The following B3GALT1 variants were observed in gnomAD, a reference collection of about 807,000 sequenced individuals.
B3GALT1 encodes the protein UDP-Gal:betaGlcNAc beta 1,3-galactosyltransferase, polypeptide 1.
A neutral mutation model predicts 23.2 loss-of-function variants in B3GALT1; 10 were observed. That is an observed-to-expected ratio of 0.43 (90% CI 0.27 to 0.73). The LOEUF is 0.73. Ranked by LOEUF, B3GALT1 falls within the 30% of genes least tolerant of loss-of-function variation. The probability of loss-of-function intolerance (pLI) is 0.21; values close to 1 mark genes in which losing one functional copy is unlikely to be tolerated. For missense variants in B3GALT1, 299 were observed against 405.4 expected (o/e 0.74, Z 2.25); for synonymous variants, 156 against 141.5 (o/e 1.10, Z -0.73).
At chr2:167,552,033 TTTTC>T (rs2105381409) in intron 2 of B3GALT1, among the ~76,000 whole-genome samples, 1 of 152,320 alleles carries the variant, frequency 6.6e-6, no homozygotes, top group African/African-American at 2.4e-5. Flanking sequence ...GGCTGTTTAT[TTTTC>T]TTAGAGCTTT....
At chr2:167,436,017 T>G (rs966234506) in intron 1 of B3GALT1, among the ~76,000 whole-genome samples, 1 of 151,446 alleles carries the variant, frequency 6.6e-6, no homozygotes, top group Non-Finnish European at 1.5e-5. Flanking sequence ...AAGTTACTAT[T>G]ATATCCCTTC....
chr2:167,618,689 C>T (rs1685205061), intron 2 of B3GALT1, among the ~76,000 whole-genome samples: 1 of 151,948 alleles, frequency 6.6e-6, no homozygotes, highest in Admixed American at 6.6e-5. Context: ...CCTGTACCCA[C>T]AGCAGTTCCT....
chr2:167,323,282 C>A (rs959439703), intron 1 of B3GALT1, among the ~76,000 whole-genome samples: 1 of 151,824 alleles, frequency 6.6e-6, no homozygotes, highest in South Asian at 2.1e-4. Context: ...ATTGGATATA[C>A]GAAAAATTCA....
At chr2:167,535,140 G>T (rs905336936) in intron 2 of B3GALT1, among the ~76,000 whole-genome samples, 3 of 152,084 alleles carry the variant, frequency 2.0e-5, no homozygotes, top group African/African-American at 7.2e-5. Flanking sequence ...ATGAAAAAGG[G>T]TTATCTTAGA....
rs534954543 is a variant in B3GALT1 at position 167,732,811 on chromosome 2, G to A, written c.-352+85845G>A. On this transcript the variant is annotated intron_variant, in intron 3 of 4. Coordinates refer to ENST00000392690, the MANE Select transcript of B3GALT1 (RefSeq NM_020981.4). ...ACCCTACATTGAAGATAATTAAATG[G>A]AAGGAAAAAGAAGAGCAAAGAATAT... Among the ~76,000 whole-genome samples, 27 of 152,286 alleles carry A rather than the reference G, an allele frequency of 1.8e-4. No individual in the cohort carries two copies. In the East Asian group the frequency reaches 5.2e-3, roughly 29 times the overall value.
rs140627203 is a variant in B3GALT1 at position 167,595,875 on chromosome 2, A to T, written c.-409-51034A>T. On this transcript the variant is annotated intron_variant, in intron 2 of 4. Transcript: ENST00000392690. ...CTTTCTGTGTTAGCATCTGCATGTA[A>T]TGGTTATTCTCATTTATTCCAGAGG... Among the ~76,000 whole-genome samples the T allele has an allele frequency of 3.4e-4, 52 of 152,324 alleles. No homozygotes were observed. In the East Asian group the frequency reaches 9.8e-3, roughly 29 times the overall value.
intron 4 of B3GALT1, among the ~76,000 whole-genome samples, chr2:167,864,913 G>A (rs1192798633): frequency 2.6e-5 from 4 of 151,660 alleles, no homozygotes; most frequent in Admixed American, 6.6e-5. Context: ...CAGTAATAAT[G>A]ATAAGAAGTA....
chr2:167,814,617 G>C (rs988627302), intron 3 of B3GALT1, among the ~76,000 whole-genome samples: 3 of 152,124 alleles, frequency 2.0e-5, no homozygotes, highest in African/African-American at 7.2e-5. Context: ...AATTAGCCAG[G>C]CTTGGTGGTA....
intron 4 of B3GALT1, among the ~76,000 whole-genome samples, chr2:167,819,845 T>G (rs1410334039): frequency 1.3e-5 from 2 of 152,334 alleles, no homozygotes; most frequent in East Asian, 3.8e-4. Context: ...GCACTGGATA[T>G]GTTGGTTTTC....
chr2:167,535,588 A>T (rs2105370470), intron 2 of B3GALT1, among the ~76,000 whole-genome samples: 1 of 152,264 alleles, frequency 6.6e-6, no homozygotes, highest in Admixed American at 6.5e-5. Flanking sequence ...AAAGAAAAAA[A>T]AAAACAGAAC....
At chr2:167,366,029 C>T (rs1320074814) in intron 1 of B3GALT1, among the ~76,000 whole-genome samples, 2 of 152,112 alleles carry the variant, frequency 1.3e-5, no homozygotes, top group Non-Finnish European at 2.9e-5. Context: ...GAATTGCTTG[C>T]AGAGAACAGT....
intron 1 of B3GALT1, among the ~76,000 whole-genome samples, chr2:167,358,736 T>TACCTATATGGGTTGCTAATTTC (rs1360051888): frequency 9.2e-5 from 14 of 152,320 alleles, no homozygotes; most frequent in Admixed American, 2.6e-4. Context: ...TATTCAATTT[T>TACCTATATGGGTTGCTAATTTC]ACCTATATGG....
chr2:167,696,876 TTAG>T (rs1479765352), intron 3 of B3GALT1, among the ~76,000 whole-genome samples: 4 of 152,220 alleles, frequency 2.6e-5, no homozygotes, highest in African/African-American at 9.6e-5. Flanking sequence ...GTTTGGGGAC[TTAG>T]TATCCCTGGG....
chr2:167,372,452 G>T (rs1697701326), intron 1 of B3GALT1, among the ~76,000 whole-genome samples: 1 of 152,002 alleles, frequency 6.6e-6, no homozygotes, highest in Admixed American at 6.6e-5. Flanking sequence ...AAGCCCAGAG[G>T]CCCCCTTCCA....
At chr2:167,337,216 T>G (rs1446753028) in intron 1 of B3GALT1, among the ~76,000 whole-genome samples, 1 of 152,188 alleles carries the variant, frequency 6.6e-6, no homozygotes, top group Non-Finnish European at 1.5e-5. Flanking sequence ...ATATTTTTTT[T>G]TGTGGCTTCC....
chr2:167,788,606 G>C (rs1365484354), intron 3 of B3GALT1, among the ~76,000 whole-genome samples: 1 of 151,968 alleles, frequency 6.6e-6, no homozygotes, highest in South Asian at 2.1e-4. Context: ...GTGGTAATGC[G>C]AGCGATGAGG....
At chr2:167,447,251 G>A (rs545416254) in intron 1 of B3GALT1, among the ~76,000 whole-genome samples, 99 of 152,304 alleles carry the variant, frequency 6.5e-4, no homozygotes, top group African/African-American at 2.3e-3. Flanking sequence ...ACCTGGCCGT[G>A]TGAGGTGTCA....
At chr2:167,327,739 A>G (rs1374820333) in intron 1 of B3GALT1, among the ~76,000 whole-genome samples, 1 of 151,542 alleles carries the variant, frequency 6.6e-6, no homozygotes, top group Non-Finnish European at 1.5e-5. Context: ...ATTGCTGTGG[A>G]TAGGACTTCC....
chr2:167,741,924 A>T (rs1254704964), intron 3 of B3GALT1, among the ~76,000 whole-genome samples: 1 of 152,216 alleles, frequency 6.6e-6, no homozygotes, highest in Admixed American at 6.5e-5. Context: ...GAGGATAAGG[A>T]ATATAATATA....
Sources: gnomAD v4.1 joint callset for allele counts (sites outside exome capture counted in the v4.1 genomes callset) on GRCh38, gnomAD v4.1.1 for gene constraint, MANE v1.5 for transcripts, NCBI Gene and HGNC (gene_info 2026-07-23, HGNC 2026-07-21) for gene names.